CES5A: variants seen among roughly 807,000 people sequenced by gnomAD.
The protein encoded by CES5A is carboxylesterase 5A.
A neutral mutation model predicts 62.9 loss-of-function variants in CES5A; 67 were observed. That is an observed-to-expected ratio of 1.07 (90% CI 0.88 to 1.31). CES5A has a LOEUF of 1.31. Among genes scored for constraint, CES5A ranks in the 50% most tolerant of loss-of-function variants. The pLI is 0.00. For synonymous variants in CES5A, 296 were observed against 280.8 expected (o/e 1.05, Z -0.54); for missense variants, 748 against 708.5 (o/e 1.06, Z -0.63).
chr16:55,899,601 C>A (rs1326617256), intron 1 of CES5A, among the ~76,000 whole-genome samples: 1 of 152,184 alleles, frequency 6.6e-6, no homozygotes, highest in Non-Finnish European at 1.5e-5. Context: ...TTCCATGGAC[C>A]TTCAAAGGAG....
intron 1 of CES5A, among the ~76,000 whole-genome samples, chr16:55,911,155 T>C (rs1284499002): frequency 1.3e-5 from 2 of 152,148 alleles, no homozygotes; most frequent in African/African-American, 2.4e-5. Context: ...GTCCCTTCCA[T>C]CTTGTTGCTC....
chr16:55,901,639 A>G (rs2096248534), intron 1 of CES5A, among the ~76,000 whole-genome samples: 1 of 152,158 alleles, frequency 6.6e-6, no homozygotes, highest in Non-Finnish European at 1.5e-5. Context: ...CGGCATTTAT[A>G]TTCCCTGGTG....
At chr16:55,927,526 C>T (rs2034269967), upstream of CES5A, among the ~76,000 whole-genome samples, 1 of 152,164 alleles carries the variant, frequency 6.6e-6, no homozygotes, top group South Asian at 2.1e-4. Context: ...ATTCTTAACA[C>T]CACTAATCAT....
upstream of CES5A, among the ~76,000 whole-genome samples, chr16:55,926,898 G>A (rs112349714): frequency 0.015 from 2,295 of 152,186 alleles, 73 homozygotes; most frequent in African/African-American, 0.052. Context: ...AGTAGCCATC[G>A]CTTTGATTGT....
chr16:55,947,193 C>T (rs2034504348), intron 2 of CES5A, among the ~76,000 whole-genome samples: 1 of 152,164 alleles, frequency 6.6e-6, no homozygotes, highest in African/African-American at 2.4e-5. Context: ...AGTAATGTCA[C>T]ACCAGGTTGT....
At chr16:55,911,174 C>A (rs1373974424) in intron 1 of CES5A, among the ~76,000 whole-genome samples, 1 of 152,186 alleles carries the variant, frequency 6.6e-6, no homozygotes, top group African/African-American at 2.4e-5. Context: ...TCTGCCCCAG[C>A]CCCCACATGT....
chr16:55,876,227 C>T (rs1175725928), upstream of CES5A, among the ~76,000 whole-genome samples: 2 of 152,194 alleles, frequency 1.3e-5, no homozygotes, highest in East Asian at 3.8e-4. Context: ...GTACCATTCC[C>T]ACTACCAAAT....
At chr16:55,857,735 A>C (rs1204718352) in intron 8 of CES5A, among the ~76,000 whole-genome samples, 1 of 152,204 alleles carries the variant, frequency 6.6e-6, no homozygotes, top group African/African-American at 2.4e-5. Context: ...AATAACTCCA[A>C]TATCTAGCAT....
At chr16:55,890,149 G>A (rs1176848114) in intron 1 of CES5A, among the ~76,000 whole-genome samples, 1 of 151,962 alleles carries the variant, frequency 6.6e-6, no homozygotes, top group Admixed American at 6.5e-5. Context: ...CCATCAGGCT[G>A]AGAATGGAGA....
intron 1 of CES5A, among the ~76,000 whole-genome samples, chr16:55,922,852 A>T (rs1431833659): frequency 6.6e-6 from 1 of 151,874 alleles, no homozygotes. Context: ...TTTTTTGATG[A>T]CATGGAGTAA....
At chr16:55,900,936 T>A (rs1018158962) in intron 1 of CES5A, among the ~76,000 whole-genome samples, 2 of 152,182 alleles carry the variant, frequency 1.3e-5, no homozygotes, top group African/African-American at 4.8e-5. Context: ...ATAGGGAAAC[T>A]GAAGCACAAA....
chr16:55,850,923 C>T (rs2033120271), intron 10 of CES5A, among the ~76,000 whole-genome samples: 1 of 152,034 alleles, frequency 6.6e-6, no homozygotes, highest in Admixed American at 6.6e-5. Context: ...ATTATAGCCA[C>T]CCTAGTATAT....
At position 55,941,985 on chromosome 16, in the gene CES5A, G is replaced by GA. The variant is rs2034451027; in HGVS notation, c.160+7799dup. ...CAAGGCGTTAAGTCAGTTCACTGGC[G>GA]AAAAGAAAATGTTTTTAACAGAAGC... On this transcript the variant is annotated intron_variant, in intron 2 of 13. Transcript: ENST00000521992. Among the ~76,000 whole-genome samples, 3 of 152,188 alleles carry GA rather than the reference G, an allele frequency of 2.0e-5. No homozygotes were observed. In the South Asian group the frequency reaches 6.2e-4, roughly 32 times the overall value.
intron 1 of CES5A, among the ~76,000 whole-genome samples, chr16:55,900,641 C>A (rs1400375295): frequency 6.6e-6 from 1 of 152,140 alleles, no homozygotes; most frequent in African/African-American, 2.4e-5. Context: ...CTTGTCAGGG[C>A]TGAGAAGGCC....
intron 5 of CES5A, among the ~76,000 whole-genome samples, chr16:55,863,757 A>T (rs1209697400): frequency 1.8e-4 from 24 of 136,710 alleles, no homozygotes; most frequent in South Asian, 4.9e-4. Flanking sequence ...ATTTCTTTTT[A>T]TTTCTTTTTT....
chr16:55,891,789 T>C (rs2033882169), intron 1 of CES5A, among the ~76,000 whole-genome samples: 1 of 152,194 alleles, frequency 6.6e-6, no homozygotes, highest in Non-Finnish European at 1.5e-5. Flanking sequence ...CTACAAACCA[T>C]AAATTCTCAT....
At chr16:55,875,377 C>G, upstream of CES5A, 1 of 1,427,866 alleles carries the variant, frequency 7.0e-7, no homozygotes, top group Non-Finnish European at 9.1e-7. Flanking sequence ...GAACAATATT[C>G]TCAAAGGAAT....
intron 11 of CES5A, among the ~76,000 whole-genome samples, chr16:55,847,678 T>C (rs2033044227): frequency 6.6e-6 from 1 of 152,172 alleles, no homozygotes; most frequent in Admixed American, 6.5e-5. Context: ...ATCTCATATA[T>C]AGGACTTGTC....
intron 1 of CES5A, among the ~76,000 whole-genome samples, chr16:55,911,142 C>G (rs2142450267): frequency 6.6e-6 from 1 of 152,276 alleles, no homozygotes; most frequent in East Asian, 1.9e-4. Flanking sequence ...AGAGTGGCCC[C>G]AGGTCCCTTC....
Sources: allele counts gnomAD v4.1 joint callset (sites outside exome capture counted in the v4.1 genomes callset), GRCh38; gene constraint gnomAD v4.1.1; transcripts MANE v1.5; gene names NCBI Gene and HGNC (gene_info 2026-07-23, HGNC 2026-07-21).